Variants in H2BC12 observed in about 807,000 individuals in gnomAD.
The protein encoded by H2BC12 is histone H2B type 1-K.
In H2BC12, 6 loss-of-function variants were observed where a neutral mutation model predicts 6.3. The ratio of observed to expected loss-of-function variants is 0.95; its 90% confidence interval spans 0.52 to 1.87. The LOEUF (loss-of-function observed/expected upper bound fraction) is 1.87. H2BC12 is among the 40% of genes most tolerant of loss of function. The probability of loss-of-function intolerance (pLI) is 0.01; values close to 1 mark genes in which losing one functional copy is unlikely to be tolerated. For missense variants in H2BC12, 119 were observed against 178.4 expected (o/e 0.67, Z 1.90); for synonymous variants, 132 against 78.5 (o/e 1.68, Z -3.60).
chr6:27,146,343 G>C, downstream of H2BC12: 1 of 1,605,004 alleles, frequency 6.2e-7, no homozygotes, highest in Non-Finnish European at 8.5e-7. Flanking sequence ...CGTGTTTACA[G>C]CTCTAATATC....
downstream of H2BC12, among the ~76,000 whole-genome samples, chr6:27,145,866 C>T (rs998989203): frequency 6.6e-6 from 1 of 152,146 alleles, no homozygotes; most frequent in Admixed American, 6.5e-5. Flanking sequence ...GTCCCGTGGG[C>T]TGCAGAGATG....
downstream of H2BC12, among the ~76,000 whole-genome samples, chr6:27,145,780 T>C (rs1376702698): frequency 6.6e-6 from 1 of 152,224 alleles, no homozygotes; most frequent in Non-Finnish European, 1.5e-5. Flanking sequence ...TTCCGTTTCT[T>C]CACTCCTGAG....
the H2BC12 span, chr6:27,139,230 C>T: frequency 1.4e-6 from 2 of 1,476,112 alleles, no homozygotes; most frequent in East Asian, 2.3e-5. Flanking sequence ...TTCCGGTTTT[C>T]AGTCTGGTCC....
chr6:27,139,356 C>T, the H2BC12 span: 58 of 1,613,864 alleles, frequency 3.6e-5, 1 homozygote, highest in South Asian at 6.3e-4. Flanking sequence ...AAGGGGGTGC[C>T]AAGCGCCACC....
At chr6:27,144,365 G>A (rs1462285432), downstream of H2BC12, among the ~76,000 whole-genome samples, 1 of 146,924 alleles carries the variant, frequency 6.8e-6, no homozygotes, top group African/African-American at 2.5e-5. Context: ...GGGAAACTGA[G>A]GCAAGATAAT....
the H2BC12 span, chr6:27,139,333 A>C: frequency 1.2e-6 from 2 of 1,612,722 alleles, no homozygotes; most frequent in Non-Finnish European, 8.5e-7. Context: ...CAAAGGAGGT[A>C]AGGGCCTGGG....
downstream of H2BC12, among the ~76,000 whole-genome samples, chr6:27,142,389 C>T (rs933325788): frequency 6.6e-6 from 1 of 152,058 alleles, no homozygotes; most frequent in South Asian, 2.1e-4. Context: ...TCTCCTGCCT[C>T]CGCCTCCCAA....
In H2BC12 at chr6:27,146,393, G is replaced by A; in HGVS notation, c.*25C>T. The A allele has an allele frequency of 6.2e-7, 1 of 1,614,142 alleles. No individual in the cohort carries two copies. The highest frequency in any genetic ancestry group is 1.3e-5 in the African/African-American group (1 of 75,042). ...CTCTTAAAAGAGCCTTTGGGGTTGG[G>A]CTTTAAGACGCTTACTTGGCAAGTT... On this transcript the variant is annotated 3_prime_UTR_variant, in exon 1 of 1. Coordinates refer to ENST00000356950, the MANE Select transcript of H2BC12 (RefSeq NM_001312653.2).
chr6:27,139,509 C>T, the H2BC12 span: 1 of 1,611,006 alleles, frequency 6.2e-7, no homozygotes. Flanking sequence ...AGAACGTGAT[C>T]CGGGACGCCG....
chr6:27,146,260 C>T (rs2113652208), downstream of H2BC12, among the ~76,000 whole-genome samples: 1 of 152,354 alleles, frequency 6.6e-6, no homozygotes, highest in South Asian at 2.1e-4. Flanking sequence ...GCACTGCATG[C>T]ATTACTCAGT....
downstream of H2BC12, among the ~76,000 whole-genome samples, chr6:27,143,937 C>A (rs1760038131): frequency 6.8e-6 from 1 of 146,888 alleles, no homozygotes; most frequent in African/African-American, 2.5e-5. Context: ...ATGAAATATA[C>A]AAATAAATAA....
the H2BC12 span, chr6:27,139,935 G>C: frequency 3.9e-5 from 13 of 334,248 alleles, no homozygotes; most frequent in Non-Finnish European, 5.7e-5. Flanking sequence ...GGTCCAAATA[G>C]GGGCGGGCTA....
chr6:27,141,950 A>G (rs1760011541), downstream of H2BC12, among the ~76,000 whole-genome samples: 1 of 152,230 alleles, frequency 6.6e-6, no homozygotes, highest in Non-Finnish European at 1.5e-5. Context: ...ACAATGTGGC[A>G]TGTGACTGAG....
downstream of H2BC12, among the ~76,000 whole-genome samples, chr6:27,143,846 T>TA (rs34292040): frequency 0.12 from 13,934 of 113,416 alleles, 910 homozygotes; most frequent in African/African-American, 0.16. Flanking sequence ...AACTACTCTT[T>TA]AAAAAAAAAA....
downstream of H2BC12, among the ~76,000 whole-genome samples, chr6:27,144,210 C>T (rs1050607000): frequency 3.3e-5 from 5 of 152,214 alleles, no homozygotes; most frequent in Admixed American, 6.5e-5. Flanking sequence ...ACCTGTAATC[C>T]TAGCACTTTA....
downstream of H2BC12, among the ~76,000 whole-genome samples, chr6:27,145,242 AG>A (rs1760057142): frequency 6.6e-6 from 1 of 151,912 alleles, no homozygotes; most frequent in Non-Finnish European, 1.5e-5. Flanking sequence ...CAAATGCCTA[AG>A]GGCGGGCAAT....
downstream of H2BC12, among the ~76,000 whole-genome samples, chr6:27,141,999 T>C (rs1260715162): frequency 6.6e-6 from 1 of 152,222 alleles, no homozygotes; most frequent in African/African-American, 2.4e-5. Flanking sequence ...AGTTTACTTT[T>C]AAAAACTGGT....
chr6:27,144,241 C>T (rs576415429), downstream of H2BC12, among the ~76,000 whole-genome samples: 3 of 152,052 alleles, frequency 2.0e-5, no homozygotes, highest in African/African-American at 4.8e-5. Flanking sequence ...GCAGGTGGAT[C>T]GCCCAAGGTC....
downstream of H2BC12, among the ~76,000 whole-genome samples, chr6:27,144,687 G>GT (rs1760049277): frequency 6.6e-6 from 1 of 152,164 alleles, no homozygotes; most frequent in Non-Finnish European, 1.5e-5. Context: ...AAAATAGTTT[G>GT]TAAGTCTAAA....
Sources: gnomAD v4.1 joint callset for allele counts (sites outside exome capture counted in the v4.1 genomes callset) on GRCh38, gnomAD v4.1.1 for gene constraint, MANE v1.5 for transcripts, NCBI Gene and HGNC (gene_info 2026-07-23, HGNC 2026-07-21) for gene names.